Variants in DGKB observed in about 807,000 individuals in gnomAD.
DGKB encodes 90 kDa diacylglycerol kinase.
DGKB carries 67 observed loss-of-function variants against 114.3 expected under a neutral mutation model. That is an observed-to-expected ratio of 0.59 (90% confidence interval 0.48 to 0.72). The LOEUF (loss-of-function observed/expected upper bound fraction) is 0.72. DGKB is among the 30% of genes least tolerant of loss of function. The probability of loss-of-function intolerance (pLI) is 0.00; values close to 1 mark genes in which losing one functional copy is unlikely to be tolerated. For synonymous variants in DGKB, 398 were observed against 323.1 expected (o/e 1.23, Z -2.49); for missense variants, 907 against 975.2 (o/e 0.93, Z 0.93).
intron 21 of DGKB, among the ~76,000 whole-genome samples, chr7:14,418,377 A>ATATATATATACACACACGTG (rs1563143005): frequency 5.4e-4 from 41 of 76,468 alleles, no homozygotes; most frequent in African/African-American, 1.6e-3. Flanking sequence ...GTGTGTATAT[A>ATATATATATACACACACGTG]TATATATATA....
intron 20 of DGKB, among the ~76,000 whole-genome samples, chr7:14,551,962 C>A (rs1337609546): frequency 6.6e-6 from 1 of 151,910 alleles, no homozygotes; most frequent in Non-Finnish European, 1.5e-5. Context: ...GTTTATTAAG[C>A]CCTAATGTTC....
intron 2 of DGKB, among the ~76,000 whole-genome samples, chr7:14,815,835 G>C (rs1407250850): frequency 6.6e-6 from 1 of 152,176 alleles, no homozygotes; most frequent in Non-Finnish European, 1.5e-5. Flanking sequence ...ACACATTGCT[G>C]GGAACACACT....
At chr7:14,542,365 T>C (rs1193069246) in intron 20 of DGKB, among the ~76,000 whole-genome samples, 1 of 152,070 alleles carries the variant, frequency 6.6e-6, no homozygotes. Flanking sequence ...CATCTACTTA[T>C]CTTCTGTTAA....
At chr7:14,794,772 G>A (rs553351196) in intron 2 of DGKB, among the ~76,000 whole-genome samples, 47 of 152,256 alleles carry the variant, frequency 3.1e-4, no homozygotes, top group African/African-American at 6.0e-4. Context: ...AAGGGAACAC[G>A]TGGGATAGAT....
At chr7:14,428,020 T>C (rs1171533387) in intron 21 of DGKB, among the ~76,000 whole-genome samples, 1 of 152,120 alleles carries the variant, frequency 6.6e-6, no homozygotes, top group East Asian at 1.9e-4. Flanking sequence ...TATTGATGGT[T>C]CATTTATTTT....
intron 2 of DGKB, among the ~76,000 whole-genome samples, chr7:14,829,299 C>G (rs1054926054): frequency 6.6e-6 from 1 of 152,118 alleles, no homozygotes; most frequent in Non-Finnish European, 1.5e-5. Flanking sequence ...TCATGCTCCC[C>G]TTAAATGCCT....
At chr7:14,674,904 T>C (rs1041980454) in intron 12 of DGKB, among the ~76,000 whole-genome samples, 1 of 152,108 alleles carries the variant, frequency 6.6e-6, no homozygotes, top group Non-Finnish European at 1.5e-5. Context: ...AGTGAATACA[T>C]TCTTGTTGTT....
rs1842810847 is a variant in DGKB, at chr7:14,806,517, CTA to C, written c.70+34675_70+34676del. 2.0e-5 allele frequency among the ~76,000 whole-genome samples: 3 copies of C among 151,792 alleles called. No individual in the cohort carries two copies. In the South Asian group the frequency reaches 6.2e-4, roughly 32 times the overall value. Reference sequence around the variant, plus strand: ...TAAATGGGCAATTAATAATTATTCTCTATTTTGTAAAAATGTGAATAGCATCG... The same window carrying C: ...TAAATGGGCAATTAATAATTATTCTCTTTTGTAAAAATGTGAATAGCATCG... On this transcript the variant is annotated intron_variant, in intron 2 of 25. Transcript: ENST00000402815.
chr7:14,816,569 G>T (rs2128093199), intron 2 of DGKB: 1 of 152,246 alleles, frequency 6.6e-6, no homozygotes, highest in African/African-American at 2.4e-5. Flanking sequence ...AATCAGACCA[G>T]ATTTACACTT....
rs145290592 is a variant in DGKB at position 14,578,921 on chromosome 7, T to C, written c.1609+1941A>G. ...GCTCCCAATTGTCTTTCCAAAGTCA[T>C]AGTACTCACTATCCCTAATTGCCCA... is the stretch of plus-strand genomic sequence containing the variant. On this transcript the variant is annotated intron_variant, in intron 19 of 25. Transcript: ENST00000402815. Among the ~76,000 whole-genome samples, 563 of 152,318 alleles carry C rather than the reference T, an allele frequency of 3.7e-3. 6 individuals carry two copies. The highest frequency in any genetic ancestry group is 0.013 in the African/African-American group (531 of 41,568).
intron 21 of DGKB, among the ~76,000 whole-genome samples, chr7:14,431,750 T>C (rs2116318): frequency 0.11 from 17,246 of 152,148 alleles, 1,171 homozygotes; most frequent in East Asian, 0.28. Context: ...ATCTATGTTA[T>C]TATAGAACTG....
chr7:14,761,195 C>T (rs1419294365), intron 2 of DGKB, among the ~76,000 whole-genome samples: 1 of 152,126 alleles, frequency 6.6e-6, no homozygotes, highest in African/African-American at 2.4e-5. Context: ...GTCTCAATAA[C>T]ATTTCTTGGG....
intron 23 of DGKB, among the ~76,000 whole-genome samples, chr7:14,251,771 C>G (rs988694904): frequency 6.6e-6 from 1 of 152,010 alleles, no homozygotes; most frequent in Non-Finnish European, 1.5e-5. Context: ...TATTATACTT[C>G]TAGTTGGTCT....
chr7:14,323,567 C>G (rs1419992259), intron 23 of DGKB, among the ~76,000 whole-genome samples: 1 of 152,086 alleles, frequency 6.6e-6, no homozygotes, highest in Non-Finnish European at 1.5e-5. Context: ...TTTCAGTGAC[C>G]TGAAAGAAGC....
chr7:14,431,516 C>A (rs1293975737), intron 21 of DGKB, among the ~76,000 whole-genome samples: 1 of 152,018 alleles, frequency 6.6e-6, no homozygotes, highest in East Asian at 1.9e-4. Context: ...CACCATGTCA[C>A]GAACCAAAGA....
intron 1 of DGKB, among the ~76,000 whole-genome samples, chr7:14,949,499 G>A (rs1028353255): frequency 6.6e-6 from 1 of 151,948 alleles, no homozygotes; most frequent in South Asian, 2.1e-4. Flanking sequence ...ATTAACACAT[G>A]CTCAGAGAAA....
At chr7:14,757,510 A>G in intron 3 of DGKB, 145 bp downstream of exon 3, 4 of 523,422 alleles carry the variant, frequency 7.6e-6, no homozygotes, top group Non-Finnish European at 1.4e-5. Context: ...ACACATATAC[A>G]TACATCTGTA....
intron 15 of DGKB, among the ~76,000 whole-genome samples, chr7:14,615,529 A>G (rs549428917): frequency 6.6e-6 from 1 of 152,004 alleles, no homozygotes; most frequent in Admixed American, 6.6e-5. Context: ...AAAATAAAAT[A>G]CAAAATCTTG....
intron 23 of DGKB, among the ~76,000 whole-genome samples, chr7:14,206,796 ATAT>A (rs1460286070): frequency 1.3e-5 from 2 of 152,064 alleles, no homozygotes; most frequent in Non-Finnish European, 2.9e-5. Context: ...TATGCAAGTA[ATAT>A]TATAATGCAT....
Sources: gnomAD v4.1 joint callset for allele counts (sites outside exome capture counted in the v4.1 genomes callset) on GRCh38, gnomAD v4.1.1 for gene constraint, MANE v1.5 for transcripts, NCBI Gene and HGNC (gene_info 2026-07-23, HGNC 2026-07-21) for gene names.